Variants in CAST observed in about 807,000 individuals in gnomAD.
The protein encoded by CAST is MIR583 host.
CAST carries 76 observed loss-of-function variants against 119.6 expected under a neutral mutation model. The ratio of observed to expected loss-of-function variants is 0.64; its 90% confidence interval spans 0.53 to 0.77. The LOEUF is 0.77. Among genes scored for constraint, CAST ranks in the 30% least tolerant of loss-of-function variants. The probability of loss-of-function intolerance (pLI) is 0.00; values close to 1 mark genes in which losing one functional copy is unlikely to be tolerated. For missense variants in CAST, 953 were observed against 946.5 expected, an observed-to-expected ratio of 1.01 and a Z score of -0.09; for synonymous variants, 319 against 331.6, an observed-to-expected ratio of 0.96 and a Z score of 0.41.
At chr5:96,281,829 G>A in the CAST span, among the ~76,000 whole-genome samples, 1 of 152,120 alleles carries the variant, frequency 6.6e-6, no homozygotes, top group Non-Finnish European at 1.5e-5. Flanking sequence ...TTTATTCTAC[G>A]TATTGTGTAA....
chr5:96,090,331 A>G, the CAST span, among the ~76,000 whole-genome samples: 22 of 152,312 alleles, frequency 1.4e-4, no homozygotes, highest in African/African-American at 5.1e-4. Context: ...AGGTACCACA[A>G]AGCAAATAAA....
the CAST span, among the ~76,000 whole-genome samples, chr5:96,156,773 A>G: frequency 1.3e-5 from 2 of 152,178 alleles, no homozygotes; most frequent in African/African-American, 4.8e-5. Flanking sequence ...TGATTATGCC[A>G]TTTGATGAAT....
the CAST span, among the ~76,000 whole-genome samples, chr5:96,192,884 G>C: frequency 1.3e-5 from 2 of 152,320 alleles, no homozygotes; most frequent in South Asian, 4.1e-4. Flanking sequence ...ACATCAATTA[G>C]AGCGGCACAA....
the CAST span, among the ~76,000 whole-genome samples, chr5:95,978,818 C>T: frequency 6.6e-6 from 1 of 152,136 alleles, no homozygotes; most frequent in Non-Finnish European, 1.5e-5. Context: ...TCATGGTACA[C>T]TTAACAAAAT....
chr5:96,421,349 A>G, the CAST span, among the ~76,000 whole-genome samples: 1 of 151,982 alleles, frequency 6.6e-6, no homozygotes, highest in Non-Finnish European at 1.5e-5. Context: ...CGGCTGGCTC[A>G]ATGCCCTGGA....
At chr5:96,695,585 GA>G (rs1753188450) in intron 2 of CAST, among the ~76,000 whole-genome samples, 1 of 152,258 alleles carries the variant, frequency 6.6e-6, no homozygotes, top group Admixed American at 6.5e-5. Flanking sequence ...CTGCCTCAGT[GA>G]GTTTTGCAGT....
At chr5:96,755,860 G>A (rs1286746199) in intron 22 of CAST, among the ~76,000 whole-genome samples, 3 of 152,288 alleles carry the variant, frequency 2.0e-5, no homozygotes, top group Non-Finnish European at 4.4e-5. Context: ...AGTTCCTAGA[G>A]AGCATGCTAA....
chr5:96,089,333 G>A, the CAST span, among the ~76,000 whole-genome samples: 4 of 152,106 alleles, frequency 2.6e-5, no homozygotes, highest in African/African-American at 4.8e-5. Context: ...ACATACTCTT[G>A]AGGGAGGAAT....
In CAST at chr5:96,561,815, C is replaced by G. The variant is rs1203067929; in HGVS notation, c.60+31935C>G. 5.4e-4 allele frequency among the ~76,000 whole-genome samples: 4 copies of G among 7,436 alleles called. No individual in the cohort carries two copies. In the East Asian group the frequency reaches 0.095, roughly 177 times the overall value. The allele number at this position is 7,436 out of a possible 152,430, so 4.9% of individuals were successfully genotyped here. A position where few individuals can be genotyped will look rare whatever the true frequency, so the allele number is the denominator to read the frequency against. ...TTTTTTGTTTTTTTTTTTTTTGAGA[C>G]GGAGTCTCGCTCTGTCGCCCAGGCT... On this transcript the variant is annotated intron_variant, in intron 1 of 11. Coordinates refer to the CAST transcript ENST00000505143.
the CAST span, among the ~76,000 whole-genome samples, chr5:96,328,472 A>T: frequency 7.2e-6 from 1 of 138,964 alleles, no homozygotes; most frequent in South Asian, 2.3e-4. Flanking sequence ...ATTTGCTACT[A>T]GGTTTCCTTT....
chr5:96,375,989 TG>T, the CAST span, among the ~76,000 whole-genome samples: 1 of 148,992 alleles, frequency 6.7e-6, no homozygotes, highest in African/African-American at 2.5e-5. Context: ...TGGAGAATCC[TG>T]ACTGATACAT....
chr5:96,363,531 T>C, the CAST span, among the ~76,000 whole-genome samples: 5 of 152,216 alleles, frequency 3.3e-5, no homozygotes, highest in African/African-American at 1.2e-4. Flanking sequence ...TTTGTAGTTC[T>C]CCTTGAAGAG....
chr5:96,412,448 G>A, the CAST span: 3 of 1,613,894 alleles, frequency 1.9e-6, no homozygotes, highest in East Asian at 2.2e-5. Flanking sequence ...AATTGAACTG[G>A]CCTCAATAGC....
the CAST span, among the ~76,000 whole-genome samples, chr5:96,142,239 G>A: frequency 6.6e-6 from 1 of 152,018 alleles, no homozygotes; most frequent in East Asian, 1.9e-4. Context: ...GTGAAACCCC[G>A]TCTCTACTAA....
the CAST span, among the ~76,000 whole-genome samples, chr5:96,389,922 G>T: frequency 4.6e-5 from 7 of 151,974 alleles, no homozygotes; most frequent in South Asian, 1.2e-3. Context: ...GCAAAAGAGT[G>T]AGACTCTAGC....
chr5:96,543,207 A>G (rs1359770357), intron 1 of CAST, among the ~76,000 whole-genome samples: 1 of 152,238 alleles, frequency 6.6e-6, no homozygotes, highest in African/African-American at 2.4e-5. Context: ...GCAGCCATAA[A>G]AAGAATGAGT....
chr5:96,267,485 A>G, the CAST span, among the ~76,000 whole-genome samples: 1 of 152,210 alleles, frequency 6.6e-6, no homozygotes, highest in Non-Finnish European at 1.5e-5. Context: ...AACCTTCTCA[A>G]CGGAAACTAT....
At chr5:96,760,219 C>G (rs79514172) in intron 24 of CAST, among the ~76,000 whole-genome samples, 59 of 151,734 alleles carry the variant, frequency 3.9e-4, no homozygotes, top group Admixed American at 1.9e-3. Context: ...AAATTACATA[C>G]AGCATACATA....
the CAST span, among the ~76,000 whole-genome samples, chr5:96,142,246 C>T: frequency 1.3e-5 from 2 of 152,156 alleles, no homozygotes; most frequent in Admixed American, 6.5e-5. Context: ...CCCGTCTCTA[C>T]TAAAAAAATA....
Sources: gnomAD v4.1 joint callset for allele counts (sites outside exome capture counted in the v4.1 genomes callset) on GRCh38, gnomAD v4.1.1 for gene constraint, MANE v1.5 for transcripts, NCBI Gene and HGNC (gene_info 2026-07-23, HGNC 2026-07-21) for gene names.